KALRN: variants seen among roughly 807,000 people sequenced by gnomAD.
The protein encoded by KALRN is kalirin.
Under a neutral mutation model 353.7 loss-of-function variants are expected in KALRN, and 70 were observed. The ratio of observed to expected loss-of-function variants is 0.20; its 90% confidence interval spans 0.16 to 0.24. The LOEUF is 0.24. KALRN is among the 10% of genes least tolerant of loss of function. The pLI, the probability that KALRN is intolerant of heterozygous loss-of-function variation, is 1.00. For missense variants in KALRN, 2,791 were observed against 3,756.7 expected (o/e 0.74, Z 6.72); for synonymous variants, 1,391 against 1,434.8 (o/e 0.97, Z 0.69).
chr3:124,457,340 G>A (rs1365584882), intron 23 of KALRN, among the ~76,000 whole-genome samples: 1 of 151,068 alleles, frequency 6.6e-6, no homozygotes. Context: ...AAAGTGCTGG[G>A]ATTATAGGCA....
At chr3:124,337,830 T>C (rs1426437308) in intron 9 of KALRN, among the ~76,000 whole-genome samples, 2 of 152,214 alleles carry the variant, frequency 1.3e-5, no homozygotes, top group African/African-American at 4.8e-5. Flanking sequence ...AACTTGTTAT[T>C]GGTCTATTCA....
chr3:124,501,656 C>T (rs1438033383), intron 33 of KALRN, among the ~76,000 whole-genome samples: 2 of 152,154 alleles, frequency 1.3e-5, no homozygotes, highest in African/African-American at 4.8e-5. Context: ...TCAGAACTGA[C>T]AATTTCATCA....
At chr3:124,098,806 G>A (rs930451331) in intron 1 of KALRN, among the ~76,000 whole-genome samples, 1 of 152,084 alleles carries the variant, frequency 6.6e-6, no homozygotes, top group Non-Finnish European at 1.5e-5. Context: ...AGAAGCATAA[G>A]TAAAAAAGAG....
chr3:124,466,738 G>A (rs561494036), intron 25 of KALRN, among the ~76,000 whole-genome samples: 10 of 152,184 alleles, frequency 6.6e-5, no homozygotes, highest in East Asian at 5.8e-4. Flanking sequence ...CCCAGTGTGC[G>A]CCCCTCCCCT....
chr3:124,700,207 G>A (rs555442608), intron 56 of KALRN, among the ~76,000 whole-genome samples, 174 bp downstream of exon 56: 1 of 152,326 alleles, frequency 6.6e-6, no homozygotes, highest in South Asian at 2.1e-4. Context: ...GCAAATGTTA[G>A]GTCTGCACCC....
Position 124,633,905 on chromosome 3 carries a change from C to T in KALRN, c.5520C>T (p.Leu1840=). The T allele has an allele frequency of 6.2e-7, 1 of 1,614,124 alleles. No homozygotes were observed. Among genetic ancestry groups the T allele is most frequent in the South Asian group, 1.1e-5 (1 of 91,074 alleles). Residue 1840 remains leucine, a synonymous_variant, in exon 36 of 60, where the codon CTC becomes CTT. Transcript: ENST00000682506. The part of the protein sequence containing the change: ...DEPDEESHTP[L]PPPMKIFDND... ...CGGATGAAGAGTCACACACACCCCT[C>T]CCACCACCTATGAAGATTTTTGACA...
chr3:124,694,463 G>C lies in KALRN; in HGVS notation c.7537G>C (p.Asp2513His). The C allele has an allele frequency of 6.2e-7, 1 of 1,614,144 alleles. No homozygotes were observed. ...GAAGGGTCCAGACCAGAACATCCTT[G>C]ACACTGATAACAGCTCAGCCACATA... Reference protein sequence around the residue: ...TWKGPDQNILDTDNSSATYTV... With the variant: ...TWKGPDQNILHTDNSSATYTV... Residue 2513 changes from aspartate to histidine, a missense_variant, in exon 53 of 60, where the codon GAC (aspartate) becomes CAC (histidine). Around this residue, in one of 11 missense-constraint regions of KALRN, gnomAD observed 1,065 missense variants for 1,156.4 expected, o/e 0.92. Transcript: ENST00000682506.
At chr3:124,500,447 C>G (rs2108629334) in intron 33 of KALRN, among the ~76,000 whole-genome samples, 1 of 152,326 alleles carries the variant, frequency 6.6e-6, no homozygotes, top group African/African-American at 2.4e-5. Flanking sequence ...AACTTGGAAA[C>G]CTCCTTGTCT....
At chr3:124,279,076 C>T (rs371114245) in intron 5 of KALRN, among the ~76,000 whole-genome samples, 2 of 152,176 alleles carry the variant, frequency 1.3e-5, no homozygotes, top group African/African-American at 2.4e-5. Flanking sequence ...GAATGGCCTT[C>T]CTTTTCCATT....
Position 124,498,123 on chromosome 3 carries a change from A to G in KALRN, c.4935+1710A>G, listed in dbSNP as rs2064081661. Among the ~76,000 whole-genome samples, 6 of 152,178 alleles carry G rather than the reference A, an allele frequency of 3.9e-5. No individual in the cohort carries two copies. In the South Asian group the frequency reaches 1.0e-3, roughly 26 times the overall value. ...TTAGTGGGAAGGCAGGAACTAGAACACAGATCTCCTGATTTTTCGTGTTTT... is the reference window on the plus strand; with the variant it reads ...TTAGTGGGAAGGCAGGAACTAGAACGCAGATCTCCTGATTTTTCGTGTTTT... On this transcript the variant is annotated intron_variant, in intron 33 of 59. Transcript: ENST00000682506.
chr3:124,304,818 C>G (rs2077553699), intron 6 of KALRN, among the ~76,000 whole-genome samples: 1 of 152,172 alleles, frequency 6.6e-6, no homozygotes, highest in African/African-American at 2.4e-5. Flanking sequence ...CCCTAGTTCC[C>G]AGTTGAAGGA....
intron 3 of KALRN, among the ~76,000 whole-genome samples, chr3:124,255,593 G>A (rs180885082): frequency 5.3e-5 from 8 of 152,282 alleles, no homozygotes; most frequent in Admixed American, 2.6e-4. Flanking sequence ...TTTTGAAGCC[G>A]TATGAATCTC....
intron 1 of KALRN, among the ~76,000 whole-genome samples, chr3:124,097,919 T>C (rs1486295162): frequency 6.6e-6 from 1 of 152,210 alleles, no homozygotes; most frequent in African/African-American, 2.4e-5. Flanking sequence ...ATTCTGTGCT[T>C]ATAGACGTTG....
At chr3:124,075,699 G>C (rs2060227071) in intron 1 of KALRN, among the ~76,000 whole-genome samples, 1 of 152,138 alleles carries the variant, frequency 6.6e-6, no homozygotes, top group Non-Finnish European at 1.5e-5. Context: ...AAAAATAATA[G>C]ACTGTGACTT....
intron 1 of KALRN, among the ~76,000 whole-genome samples, chr3:124,132,173 T>G (rs983533800): frequency 6.6e-6 from 1 of 152,192 alleles, no homozygotes; most frequent in Non-Finnish European, 1.5e-5. Context: ...AGTATCTCTT[T>G]CCATCATTAG....
At chr3:124,099,881 G>A (rs533098685) in intron 1 of KALRN, among the ~76,000 whole-genome samples, 3 of 152,154 alleles carry the variant, frequency 2.0e-5, no homozygotes, top group African/African-American at 7.2e-5. Flanking sequence ...GAGCCTATTC[G>A]GGCCAGGTGC....
intron 1 of KALRN, among the ~76,000 whole-genome samples, chr3:124,067,526 A>C (rs539219106): frequency 1.3e-5 from 2 of 152,202 alleles, no homozygotes; most frequent in African/African-American, 4.8e-5. Flanking sequence ...AACAAACAAA[A>C]AAAAACCACA....
chr3:124,659,544 C>G, intron 43 of KALRN, 87 bp downstream of exon 43: 1 of 860,730 alleles, frequency 1.2e-6, no homozygotes, highest in Non-Finnish European at 2.0e-6. Flanking sequence ...GCTAGCGGTT[C>G]TGTCTCCACC....
At chr3:124,068,187 T>G (rs546734425) in intron 1 of KALRN, among the ~76,000 whole-genome samples, 2 of 152,324 alleles carry the variant, frequency 1.3e-5, no homozygotes, top group South Asian at 4.1e-4. Flanking sequence ...AGGATCTAGA[T>G]CCCAATTCTA....
Sources: allele counts gnomAD v4.1 joint callset (sites outside exome capture counted in the v4.1 genomes callset), GRCh38; gene constraint gnomAD v4.1.1; regional missense constraint gnomAD v4.1.1; transcripts MANE v1.5; gene names NCBI Gene and HGNC (gene_info 2026-07-23, HGNC 2026-07-21).